The following COL4A3 variants were observed in gnomAD, a reference collection of about 807,000 sequenced individuals.
The protein encoded by COL4A3 is collagen alpha-3(IV) chain.
Under a neutral mutation model 217.4 loss-of-function variants are expected in COL4A3, and 135 were observed. The ratio of observed to expected loss-of-function variants is 0.62; its 90% CI spans 0.54 to 0.72. The LOEUF (loss-of-function observed/expected upper bound fraction) is 0.72. Among genes scored for constraint, COL4A3 ranks in the 30% least tolerant of loss-of-function variants. The probability of loss-of-function intolerance (pLI) is 0.00; values close to 1 mark genes in which losing one functional copy is unlikely to be tolerated. For synonymous variants in COL4A3, 690 were observed against 736.3 expected, an observed-to-expected ratio of 0.94 and a Z score of 1.02; for missense variants, 1,868 against 2,119.9, an observed-to-expected ratio of 0.88 and a Z score of 2.33.
At chr2:227,239,850 TCCGTCTC>T in intron 2 of COL4A3, among the ~76,000 whole-genome samples, 1 of 152,274 alleles carries the variant, frequency 6.6e-6, no homozygotes, top group East Asian at 1.9e-4. Flanking sequence ...CATTTTTTAT[TCCGTCTC>T]CCTTAAGCTC....
rs2073716600 is a variant in COL4A3 at position 227,310,891 on chromosome 2, A to G, written c.4871A>G (p.Tyr1624Cys). The G allele has an allele frequency of 1.2e-6, 2 of 1,614,142 alleles. No individual in the cohort carries two copies. The highest frequency in any genetic ancestry group is 1.7e-6 in the Non-Finnish European group (2 of 1,180,026). Reference protein sequence around the residue: ...LECHGRGTCNYYSNSYSFWLA... With the variant: ...LECHGRGTCNCYSNSYSFWLA... ...TGTCATGGAAGAGGAACGTGCAACT[A>G]CTATTCAAATTCCTACAGTTTCTGG... Residue 1624 changes from tyrosine to cysteine, a missense_variant, in exon 51 of 52, where the codon TAC (tyrosine) becomes TGC (cysteine). Tyr to Cys is a radical substitution (Grantham distance 194, BLOSUM62 -2). Coordinates refer to ENST00000396578, the MANE Select transcript of COL4A3 (RefSeq NM_000091.5).
intron 1 of COL4A3, among the ~76,000 whole-genome samples, chr2:227,235,772 CTT>C (rs201024233): frequency 0.22 from 27,436 of 122,230 alleles, 3,173 homozygotes; most frequent in Middle Eastern, 0.33. Flanking sequence ...TATTTCATTC[CTT>C]TTTTTTTTTT....
At chr2:227,205,671 C>T (rs569736994) in intron 1 of COL4A3, among the ~76,000 whole-genome samples, 333 of 151,896 alleles carry the variant, frequency 2.2e-3, no homozygotes, top group African/African-American at 7.7e-3. Flanking sequence ...TCCCACAATG[C>T]TTAAAACCCA....
At chr2:227,308,511 G>A (rs778622740) in intron 48 of COL4A3, among the ~76,000 whole-genome samples, 1 of 152,218 alleles carries the variant, frequency 6.6e-6, no homozygotes, top group Non-Finnish European at 1.5e-5. Flanking sequence ...ACCATGCCCA[G>A]CCCACCCATT....
intron 1 of COL4A3, among the ~76,000 whole-genome samples, chr2:227,176,510 G>A (rs78594937): frequency 0.063 from 9,597 of 152,148 alleles, 368 homozygotes; most frequent in Admixed American, 0.092. Context: ...ATTTTCTAGC[G>A]GTAGTTTTAG....
intron 26 of COL4A3, 41 bp from the exon 27 acceptor site, chr2:227,276,344 T>C: frequency 2.1e-6 from 3 of 1,407,426 alleles, no homozygotes; most frequent in Non-Finnish European, 3.0e-6. Context: ...AAGACAAGCT[T>C]CAATATATAC....
intron 1 of COL4A3, among the ~76,000 whole-genome samples, chr2:227,206,371 C>T (rs1486438717): frequency 6.6e-6 from 1 of 152,092 alleles, no homozygotes; most frequent in Non-Finnish European, 1.5e-5. Flanking sequence ...CTGTGCCCCG[C>T]CCCCTCAGGT....
Position 227,191,948 on chromosome 2 carries a change from A to T in COL4A3, c.87+27135A>T, listed in dbSNP as rs1466923720. On this transcript the variant is annotated intron_variant, in intron 1 of 51. Transcript: ENST00000396578. The surrounding 1 kb of genome is among the most constrained non-coding windows in gnomAD (Gnocchi z 6.8). ...CTTGAGAATTGTGGAAAGGGAAAAA[A>T]ATTATCGAAGGAAAGTCATATTTCC... Among the ~76,000 whole-genome samples, 1 of 152,214 alleles carries T rather than the reference A, an allele frequency of 6.6e-6. No individual in the cohort carries two copies. The highest frequency in any genetic ancestry group is 1.5e-5 in the Non-Finnish European group (1 of 68,040).
Position 227,298,712 on chromosome 2 carries a change from G to A in COL4A3, c.3782G>A (p.Ser1261Asn), listed in dbSNP as rs1375956660. The change falls in exon 43 of 52, where the codon AGT becomes AAT. Residue 1261 changes from serine to asparagine, a missense_variant. Physicochemically the swap from Ser to Asn is conservative, Grantham distance 46. Coordinates refer to ENST00000396578, the MANE Select transcript of COL4A3 (RefSeq NM_000091.5). ...GAPGPPGPPG[S>N]HVIGIKGDKG... ...CCTGGTCCCCCTGGACCTCCAGGGAGTCATGTAATAGGCATAAAAGGAGAC... is the reference window on the plus strand; with the variant it reads ...CCTGGTCCCCCTGGACCTCCAGGGAATCATGTAATAGGCATAAAAGGAGAC... The A allele has an allele frequency of 1.2e-6, 2 of 1,613,952 alleles. No homozygotes were observed. Among genetic ancestry groups the A allele is most frequent in the East Asian group, 4.5e-5 (2 of 44,890 alleles).
intron 15 of COL4A3, 133 bp from the exon 16 acceptor site, chr2:227,255,893 C>T: frequency 4.7e-6 from 4 of 857,748 alleles, no homozygotes; most frequent in Non-Finnish European, 3.8e-6. Context: ...CTTCTAACAC[C>T]TGGGTGAAGA....
At chr2:227,241,308 C>T (rs78964215) in intron 3 of COL4A3, among the ~76,000 whole-genome samples, 2,993 of 152,270 alleles carry the variant, frequency 0.02, 93 homozygotes, top group African/African-American at 0.069. Context: ...AGCTATAAAC[C>T]AACTAATAAG....
intron 1 of COL4A3, among the ~76,000 whole-genome samples, chr2:227,210,191 C>A (rs576320426): frequency 6.6e-6 from 1 of 152,280 alleles, no homozygotes; most frequent in South Asian, 2.1e-4. Flanking sequence ...ACAGAGGCTC[C>A]AAAGCATCTT....
In COL4A3 at chr2:227,286,394, C is replaced by A. The variant is rs538726879; in HGVS notation, c.2881+2049C>A. On this transcript the variant is annotated intron_variant, in intron 34 of 51. Transcript: ENST00000396578. ...CCTGTAATTCCAGCTAGTCAGGAGG[C>A]TGAGGCATGAGAATCGCTTGAACCT... Among the ~76,000 whole-genome samples, 27 of 152,256 alleles carry A rather than the reference C, an allele frequency of 1.8e-4. No individual in the cohort carries two copies. In the East Asian group the frequency reaches 3.9e-3, roughly 22 times the overall value.
In COL4A3 at chr2:227,253,278, T is replaced by C; in HGVS notation, c.646-18T>C. 1 of 1,611,098 alleles carries C rather than the reference T, an allele frequency of 6.2e-7. No homozygotes were observed. Among genetic ancestry groups the C allele is most frequent in the Non-Finnish European group, 8.5e-7 (1 of 1,177,284 alleles). ...TATTTATTTTTAGAAAATAATTTGGTTTTGTGTTTTCTTACAGGGTCACAT... is the reference window on the plus strand; with the variant it reads ...TATTTATTTTTAGAAAATAATTTGGCTTTGTGTTTTCTTACAGGGTCACAT... On this transcript the variant is annotated intron_variant, in intron 11 of 51. Coordinates refer to ENST00000396578, the MANE Select transcript of COL4A3 (RefSeq NM_000091.5). The surrounding 1 kb of genome is among the most constrained non-coding windows in gnomAD (Gnocchi z 4.4).
rs75477937 is a variant in COL4A3 at position 227,252,980 on chromosome 2, G to A, written c.646-316G>A. On this transcript the variant is annotated intron_variant, in intron 11 of 51. Coordinates refer to ENST00000396578, the MANE Select transcript of COL4A3 (RefSeq NM_000091.5). ...AAGAGCATCAGGAAGTTAAGTAGCCGGCCAGTGGGATTAAAACTAGCTAAT... is the reference window on the plus strand; with the variant it reads ...AAGAGCATCAGGAAGTTAAGTAGCCAGCCAGTGGGATTAAAACTAGCTAAT... Among the ~76,000 whole-genome samples the A allele has an allele frequency of 2.0e-4, 31 of 152,206 alleles. No individual in the cohort carries two copies. In the East Asian group the frequency reaches 5.2e-3, roughly 26 times the overall value.
Position 227,233,333 on chromosome 2 carries a change from T to TAAA in COL4A3, c.88-4625_88-4623dup, listed in dbSNP as rs398039895. Among the ~76,000 whole-genome samples the TAAA allele has an allele frequency of 1.0e-4, 15 of 149,500 alleles. No homozygotes were observed. In the South Asian group the frequency reaches 1.1e-3, roughly 11 times the overall value. ...TGGCCCCTACAAGCAATTGGCCTGT[T>TAAA]AAAAAAAAAAAATTCTAAAACTGGA... On this transcript the variant is annotated intron_variant, in intron 1 of 51. Transcript: ENST00000396578.
At chr2:227,240,320 T>G in intron 3 of COL4A3, 88 bp downstream of exon 3, 1 of 1,291,200 alleles carries the variant, frequency 7.7e-7, no homozygotes, top group East Asian at 2.5e-5. Flanking sequence ...TGGAGAGAAT[T>G]CCACATCTTA....
chr2:227,293,758 G>C, intron 38 of COL4A3: 1 of 469,726 alleles, frequency 2.1e-6, no homozygotes, highest in South Asian at 1.6e-5. Flanking sequence ...GCAGCTCCGA[G>C]TCTGTGATCA....
Position 227,164,732 on chromosome 2 carries a change from C to G in COL4A3, c.6C>G (p.Ser2Arg), listed in dbSNP as rs1385822999. 9 of 1,529,896 alleles carry G rather than the reference C, an allele frequency of 5.9e-6. No individual in the cohort carries two copies. Among genetic ancestry groups the G allele is most frequent in the African/African-American group, 1.4e-5 (1 of 72,270 alleles). The allele number at this position is 1,529,896 out of a possible 1,614,324, so 94.8% of individuals were successfully genotyped here. A position where few individuals can be genotyped will look rare whatever the true frequency, so the allele number is the denominator to read the frequency against. M[S>R]ARTAPRPQVL... ...GCTCTGAGCGCGCGCCCACCATGAG[C>G]GCCCGGACCGCCCCCAGGCCGCAGG... The change falls in exon 1 of 52, where the codon AGC becomes AGG. Residue 2 changes from serine (S) to arginine (R), a missense_variant. Coordinates refer to ENST00000396578, the MANE Select transcript of COL4A3 (RefSeq NM_000091.5). This position sits in a 1 kb window ranked among gnomAD's most constrained non-coding sequence, Gnocchi z 4.8.
Sources: allele counts gnomAD v4.1 joint callset (sites outside exome capture counted in the v4.1 genomes callset), GRCh38; gene constraint gnomAD v4.1.1; non-coding constraint Gnocchi (gnomAD v3.1); transcripts MANE v1.5; gene names NCBI Gene and HGNC (gene_info 2026-07-23, HGNC 2026-07-21).